Variants in TERB2 observed in about 807,000 individuals in gnomAD.
The protein encoded by TERB2 is telomere repeat binding bouquet formation protein 2.
TERB2 carries 26 observed loss-of-function variants against 29.8 expected under a neutral mutation model. The ratio of observed to expected loss-of-function variants is 0.87; its 90% CI spans 0.64 to 1.21. TERB2 has a LOEUF of 1.21. TERB2 is among the 50% of genes most tolerant of loss of function. The probability of loss-of-function intolerance (pLI) is 0.00; values close to 1 mark genes in which losing one functional copy is unlikely to be tolerated. For synonymous variants in TERB2, 80 were observed against 90.8 expected, an observed-to-expected ratio of 0.88 and a Z score of 0.68; for missense variants, 240 against 268.6, an observed-to-expected ratio of 0.89 and a Z score of 0.74.
chr15:44,963,666 G>A lies in TERB2; in HGVS notation c.348+2082G>A, dbSNP rs531077688. Among the ~76,000 whole-genome samples the A allele has an allele frequency of 2.0e-5, 3 of 152,018 alleles. No individual in the cohort carries two copies. The South Asian group carries it at 6.2e-4, about 32-fold the overall frequency. On this transcript the variant is annotated intron_variant, in intron 4 of 6. Transcript: ENST00000340827. Reference sequence around the variant, plus strand: ...TTTAGAAAACACATGCCAGGTATTAGAGAGTGGAAATGTCATATCTGCAAA... The same window carrying A: ...TTTAGAAAACACATGCCAGGTATTAAAGAGTGGAAATGTCATATCTGCAAA...
At chr15:44,967,806 T>C (rs1595477407) in intron 5 of TERB2, among the ~76,000 whole-genome samples, 1 of 134,238 alleles carries the variant, frequency 7.4e-6, no homozygotes, top group Non-Finnish European at 1.6e-5. Flanking sequence ...GCTGCTGTAA[T>C]ATAAATGATC....
Position 44,968,409 on chromosome 15 carries a change from C to T in TERB2, c.434+2166C>T, listed in dbSNP as rs550667688. Among the ~76,000 whole-genome samples the T allele has an allele frequency of 4.7e-4, 71 of 151,748 alleles. No individual in the cohort carries two copies. The East Asian group carries it at 7.2e-3, about 15-fold the overall frequency. On this transcript the variant is annotated intron_variant, in intron 5 of 6. Coordinates refer to ENST00000340827, the MANE Select transcript of TERB2 (RefSeq NM_152448.3). ...TAATTGTTTGTATTTTTAGTAGAGACGGGGTTTGGCCATGTTGCCCAGGCT... is the reference window on the plus strand; with the variant it reads ...TAATTGTTTGTATTTTTAGTAGAGATGGGGTTTGGCCATGTTGCCCAGGCT...
chr15:44,972,758 C>T lies in TERB2; in HGVS notation c.435-1109C>T, dbSNP rs367893741. 3.3e-4 allele frequency among the ~76,000 whole-genome samples: 50 copies of T among 151,950 alleles called. No individual in the cohort carries two copies. The East Asian group carries it at 7.0e-3, about 21-fold the overall frequency. On this transcript the variant is annotated intron_variant, in intron 5 of 6. Coordinates refer to ENST00000340827, the MANE Select transcript of TERB2 (RefSeq NM_152448.3). ...CTCAAACTCCTGACCTTAAGTGATC[C>T]GCCCACCTCTGTCTCCCAAAATGCT...
At position 44,956,907 on chromosome 15, in the gene TERB2, G is replaced by C; in HGVS notation, c.76G>C (p.Gly26Arg). The C allele has an allele frequency of 1.9e-6, 3 of 1,614,016 alleles. No homozygotes were observed. Among genetic ancestry groups the C allele is most frequent in the Non-Finnish European group, 1.7e-6 (2 of 1,179,980 alleles). Residue 26 changes from glycine to arginine, a missense_variant, in exon 2 of 7, where the codon GGA becomes CGA. Physicochemically the swap from Gly to Arg is moderately radical, Grantham distance 125 (BLOSUM62 -2). Transcript: ENST00000340827. ...TCTTACCTCCACAGTGGCTGAAGGGGGAACGATCAGTGACCCGCGAGCCGC... is the reference window on the plus strand; with the variant it reads ...TCTTACCTCCACAGTGGCTGAAGGGCGAACGATCAGTGACCCGCGAGCCGC... Reference protein sequence around the residue: ...DLRQFWVAEGGTISDPRAADF... With the variant: ...DLRQFWVAEGRTISDPRAADF...
intron 6 of TERB2, among the ~76,000 whole-genome samples, chr15:44,975,822 TCA>T (rs1442961806): frequency 1.3e-5 from 2 of 152,228 alleles, no homozygotes; most frequent in Admixed American, 6.5e-5. Context: ...TTAAATTTTC[TCA>T]GACTAATATC....
chr15:44,966,049 T>C, intron 4 of TERB2, 109 bp from the exon 5 acceptor site: 1 of 558,900 alleles, frequency 1.8e-6, no homozygotes, highest in Non-Finnish European at 2.8e-6. Flanking sequence ...AATATTTTTA[T>C]GGCTTTTGAG....
chr15:44,976,493 A>G (rs1210658568), intron 6 of TERB2, among the ~76,000 whole-genome samples: 1 of 152,218 alleles, frequency 6.6e-6, no homozygotes, highest in Non-Finnish European at 1.5e-5. Context: ...TGAAAAATCC[A>G]AGAATAAGAA....
chr15:44,963,666 G>C (rs531077688), intron 4 of TERB2, among the ~76,000 whole-genome samples: 1 of 151,902 alleles, frequency 6.6e-6, no homozygotes, highest in East Asian at 1.9e-4. Context: ...CCAGGTATTA[G>C]AGAGTGGAAA....
intron 4 of TERB2, among the ~76,000 whole-genome samples, chr15:44,962,636 C>G (rs1891824317): frequency 6.6e-6 from 1 of 152,012 alleles, no homozygotes; most frequent in African/African-American, 2.4e-5. Context: ...CCTGATTAAC[C>G]AAAACAAGAA....
At chr15:44,968,584 CTTTTTTT>C (rs34188520) in intron 5 of TERB2, among the ~76,000 whole-genome samples, 1 of 98,502 alleles carries the variant, frequency 1.0e-5, no homozygotes, top group African/African-American at 4.5e-5. Flanking sequence ...TTTGTTTAAC[CTTTTTTT>C]TTTTTTTTTT....
chr15:44,969,293 A>G (rs1891933981), intron 5 of TERB2, among the ~76,000 whole-genome samples: 1 of 151,760 alleles, frequency 6.6e-6, no homozygotes, highest in Non-Finnish European at 1.5e-5. Flanking sequence ...TTTTTAATAG[A>G]AACTTTTTTT....
chr15:44,976,886 ATCAAG>A (rs3986124), intron 6 of TERB2, among the ~76,000 whole-genome samples: 5,660 of 152,212 alleles, frequency 0.037, 331 homozygotes, highest in African/African-American at 0.13. Context: ...AACATAGCAA[ATCAAG>A]TCATTCTCAT....
In TERB2 at chr15:44,956,899, C is replaced by G. The variant is rs1891723889; in HGVS notation, c.68C>G (p.Ala23Gly). 1 of 1,613,944 alleles carries G rather than the reference C, an allele frequency of 6.2e-7. No individual in the cohort carries two copies. The highest frequency in any genetic ancestry group is 8.5e-7 in the Non-Finnish European group (1 of 1,179,996). Residue 23 changes from alanine to glycine, a missense_variant, in exon 2 of 7, where the codon GCT becomes GGT. Coordinates refer to ENST00000340827, the MANE Select transcript of TERB2 (RefSeq NM_152448.3). ...CCCTGTGCTCTTACCTCCACAGTGG[C>G]TGAAGGGGGAACGATCAGTGACCCG... ...VSQDLRQFWV[A>G]EGGTISDPRA...
At chr15:44,965,184 A>G (rs959355105) in intron 4 of TERB2, among the ~76,000 whole-genome samples, 1 of 147,828 alleles carries the variant, frequency 6.8e-6, no homozygotes, top group Non-Finnish European at 1.5e-5. Context: ...AAAAAAAAAA[A>G]AAAAGAAAAG....
intron 5 of TERB2, chr15:44,973,650 T>C: frequency 4.4e-6 from 1 of 229,018 alleles, no homozygotes; most frequent in Non-Finnish European, 7.3e-6. Flanking sequence ...TTGTGAAGCA[T>C]TCTATATATT....
chr15:44,978,719 G>C lies in TERB2; in HGVS notation c.*91G>C, dbSNP rs1012281851. The C allele has an allele frequency of 6.8e-6, 9 of 1,320,824 alleles. No individual in the cohort carries two copies. The highest frequency in any genetic ancestry group is 7.9e-6 in the Non-Finnish European group (8 of 1,018,500). The allele number at this position is 1,320,824 out of a possible 1,614,324, so 81.8% of individuals were successfully genotyped here. A position where few individuals can be genotyped will look rare whatever the true frequency, so the allele number is the denominator to read the frequency against. ...AAAATGCTCCCTTTTGGTACTGGGGGATAGTGAAATGGGAAATAATTTTTC... is the reference window on the plus strand; with the variant it reads ...AAAATGCTCCCTTTTGGTACTGGGGCATAGTGAAATGGGAAATAATTTTTC... On this transcript the variant is annotated 3_prime_UTR_variant, in exon 7 of 7. Transcript: ENST00000340827.
intron 3 of TERB2, among the ~76,000 whole-genome samples, chr15:44,961,191 GATAT>G (rs34640759): frequency 0.16 from 21,458 of 136,290 alleles, 1,712 homozygotes; most frequent in East Asian, 0.33. Context: ...ATACCTCAAT[GATAT>G]ATATATATAT....
intron 4 of TERB2, among the ~76,000 whole-genome samples, 197 bp downstream of exon 4, chr15:44,961,781 C>A (rs765429617): frequency 2.2e-4 from 34 of 152,002 alleles, no homozygotes; most frequent in Non-Finnish European, 4.0e-4. Flanking sequence ...CTCACTGCAA[C>A]CTTTGCCTTC....
intron 6 of TERB2, among the ~76,000 whole-genome samples, chr15:44,975,303 T>C (rs1057039827): frequency 7.9e-5 from 12 of 152,154 alleles, no homozygotes; most frequent in Non-Finnish European, 1.5e-4. Context: ...TGATGTGAAA[T>C]GACAAATACT....
Sources: gnomAD v4.1 joint callset for allele counts (sites outside exome capture counted in the v4.1 genomes callset) on GRCh38, gnomAD v4.1.1 for gene constraint, MANE v1.5 for transcripts, NCBI Gene and HGNC (gene_info 2026-07-23, HGNC 2026-07-21) for gene names.